INTS7: variants seen among roughly 807,000 people sequenced by gnomAD.
The protein encoded by INTS7 is integrator complex subunit 7, also known as chromosome 1 open reading frame 73.
Under a neutral mutation model 109.2 loss-of-function variants are expected in INTS7, and 46 were observed. The observed-to-expected ratio is 0.42, with a 90% CI of 0.33 to 0.54. The LOEUF (loss-of-function observed/expected upper bound fraction) is 0.54. INTS7 is among the 20% of genes least tolerant of loss of function. INTS7 has a pLI of 0.07. For missense variants in INTS7, 929 were observed against 1,132.4 expected (o/e 0.82, Z 2.58); for synonymous variants, 412 against 402.9 (o/e 1.02, Z -0.27).
intron 16 of INTS7, among the ~76,000 whole-genome samples, chr1:211,953,041 C>T (rs1445273688): frequency 6.6e-6 from 1 of 152,096 alleles, no homozygotes; most frequent in East Asian, 1.9e-4. Context: ...CAGATAAGCT[C>T]CAAACCATCC....
intron 7 of INTS7, among the ~76,000 whole-genome samples, chr1:211,995,777 G>A (rs1441682349): frequency 6.6e-6 from 1 of 152,160 alleles, no homozygotes; most frequent in African/African-American, 2.4e-5. Flanking sequence ...CATGAATGGG[G>A]TAAGTAACCT....
intron 1 of INTS7, among the ~76,000 whole-genome samples, chr1:212,025,128 T>C (rs984059754): frequency 6.6e-6 from 1 of 152,264 alleles, no homozygotes; most frequent in Admixed American, 6.5e-5. Context: ...AAATTCTTTC[T>C]GTATGGTAAT....
intron 5 of INTS7, among the ~76,000 whole-genome samples, chr1:212,007,657 A>G (rs1665988202): frequency 6.6e-6 from 1 of 152,228 alleles, no homozygotes; most frequent in Non-Finnish European, 1.5e-5. Context: ...TTCAATGATT[A>G]TAAAACTACA....
chr1:212,007,303 A>C lies in INTS7; in HGVS notation c.703T>G (p.Leu235Val). 1 of 1,614,026 alleles carries C rather than the reference A, an allele frequency of 6.2e-7. No individual in the cohort carries two copies. Among genetic ancestry groups the C allele is most frequent in the Non-Finnish European group, 8.5e-7 (1 of 1,179,944 alleles). ...GCTGCAAGCAGAGTGAAAGTGTGCA[A>C]AGACACAATCACCATTTTGGTGGAC... is the stretch of plus-strand genomic sequence containing the variant. ...YPSTKMVIVS[L>V]HTFTLLAASS... Residue 235 changes from leucine (L) to valine (V), a missense_variant, in exon 6 of 20, where the codon TTG becomes GTG. By Grantham distance (32) the Leu-to-Val change is conservative. Around this residue, in one of 2 missense-constraint regions of INTS7, gnomAD observed 787 missense variants for 901.1 expected, o/e 0.87. Transcript: ENST00000366994.
chr1:211,952,754 T>G (rs1663159560), intron 16 of INTS7, 53 bp from the exon 17 acceptor site: 1 of 1,380,660 alleles, frequency 7.2e-7, no homozygotes, highest in Non-Finnish European at 1.0e-6. Context: ...GGCTATTTAA[T>G]GCCTACATGT....
rs762057924 is a variant in INTS7, at chr1:211,969,722, A to ATT, written c.1816-1017_1816-1016dup. On this transcript the variant is annotated intron_variant, in intron 13 of 19. Coordinates refer to ENST00000366994, the MANE Select transcript of INTS7 (RefSeq NM_015434.4). Reference sequence around the variant, plus strand: ...GGGTGCGTACCACCATGCCTGGCTAATTTTTTTTTTTTTTTGAGACAGTTT... The same window carrying ATT: ...GGGTGCGTACCACCATGCCTGGCTAATTTTTTTTTTTTTTTTTGAGACAGTTT... Among the ~76,000 whole-genome samples, 637 of 141,000 alleles carry ATT rather than the reference A, an allele frequency of 4.5e-3. 6 individuals are homozygous for ATT. The highest frequency in any genetic ancestry group is 8.0e-3 in the South Asian group (35 of 4,362). 92.5% of individuals were successfully genotyped at this position (141,000 alleles called of 152,430 possible). A position where few individuals can be genotyped will look rare whatever the true frequency, so the allele number is the denominator to read the frequency against.
rs927848399 is a variant in INTS7 at position 211,960,501 on chromosome 1, T to C, written c.2183+5929A>G. On this transcript the variant is annotated intron_variant, in intron 16 of 19. Transcript: ENST00000366994. ...ACAGAAATCAGAGTATGGATGGGAA[T>C]GAAGATCATCAAGAAGGAGGAATAC... Among the ~76,000 whole-genome samples the C allele has an allele frequency of 5.9e-5, 9 of 151,894 alleles. No homozygotes were observed. The East Asian group carries it at 1.7e-3, about 29-fold the overall frequency.
chr1:211,954,028 T>C (rs1328015800), intron 16 of INTS7, among the ~76,000 whole-genome samples: 2 of 152,186 alleles, frequency 1.3e-5, no homozygotes, highest in Non-Finnish European at 2.9e-5. Context: ...AGTGTGAAAG[T>C]GTTCCTATTT....
At chr1:211,967,402 A>G (rs1331687700) in intron 15 of INTS7, among the ~76,000 whole-genome samples, 1 of 149,812 alleles carries the variant, frequency 6.7e-6, no homozygotes, top group Non-Finnish European at 1.5e-5. Flanking sequence ...CAGTGAGCCA[A>G]GATCATGCCA....
intron 13 of INTS7, among the ~76,000 whole-genome samples, chr1:211,969,663 C>T (rs1293363356): frequency 1.3e-5 from 2 of 150,840 alleles, no homozygotes; most frequent in Non-Finnish European, 3.0e-5. Context: ...TCAAATTATC[C>T]CCCCACCTGA....
chr1:211,990,038 CATT>C (rs1257755966), intron 7 of INTS7, among the ~76,000 whole-genome samples: 3 of 152,214 alleles, frequency 2.0e-5, no homozygotes, highest in African/African-American at 7.2e-5. Flanking sequence ...TAGGTGCTCT[CATT>C]GTTGTCAGAA....
At chr1:211,969,003 G>A (rs545155419) in intron 13 of INTS7, among the ~76,000 whole-genome samples, 2 of 152,162 alleles carry the variant, frequency 1.3e-5, no homozygotes, top group South Asian at 2.1e-4. Flanking sequence ...AGATAATCAC[G>A]GCCAGGTGCG....
At chr1:212,031,585 C>A (rs1667165311) in intron 1 of INTS7, among the ~76,000 whole-genome samples, 1 of 152,202 alleles carries the variant, frequency 6.6e-6, no homozygotes, top group South Asian at 2.1e-4. Flanking sequence ...CACATTTGAT[C>A]TAGCATTGTC....
intron 16 of INTS7, among the ~76,000 whole-genome samples, chr1:211,960,782 A>G (rs1293582329): frequency 6.6e-6 from 1 of 152,116 alleles, no homozygotes; most frequent in Non-Finnish European, 1.5e-5. Flanking sequence ...GGAGGCTAAG[A>G]TGGGTCGATC....
intron 1 of INTS7, among the ~76,000 whole-genome samples, chr1:212,034,780 C>G (rs184148702): frequency 7.2e-5 from 11 of 151,884 alleles, no homozygotes; most frequent in African/African-American, 2.4e-4. Context: ...TCAGTGTAAC[C>G]CCAAAGCTCC....
At chr1:212,031,648 T>C (rs1667169525) in intron 1 of INTS7, among the ~76,000 whole-genome samples, 1 of 152,246 alleles carries the variant, frequency 6.6e-6, no homozygotes, top group African/African-American at 2.4e-5. Context: ...TTTGCCAACA[T>C]AGCCCCTAGT....
rs139523951 is a variant in INTS7 at position 212,002,877 on chromosome 1, T to C, written c.879+3762A>G. ...CCCACACATACTTCTCCAAGAATAA[T>C]GACTAGTTCAAAGTGAAAAACAATC... is the stretch of plus-strand genomic sequence containing the variant. On this transcript the variant is annotated intron_variant, in intron 7 of 19. Coordinates refer to ENST00000366994, the MANE Select transcript of INTS7 (RefSeq NM_015434.4). 1.4e-3 allele frequency among the ~76,000 whole-genome samples: 217 copies of C among 152,268 alleles called. 4 individuals carry two copies. The highest frequency in any genetic ancestry group is 5.0e-3 in the African/African-American group (206 of 41,536).
intron 13 of INTS7, among the ~76,000 whole-genome samples, chr1:211,974,276 A>AATATATATATAT (rs58474002): frequency 3.6e-4 from 33 of 92,296 alleles, no homozygotes; most frequent in East Asian, 1.7e-3. Context: ...AGAAAAAAAA[A>AATATATATATAT]ATATATATAT....
chr1:212,033,060 A>C (rs1242034223), intron 1 of INTS7, among the ~76,000 whole-genome samples: 1 of 152,208 alleles, frequency 6.6e-6, no homozygotes, highest in South Asian at 2.1e-4. Context: ...TGTAAGCTCT[A>C]TAGGGGCAGG....
Sources: allele counts gnomAD v4.1 joint callset (sites outside exome capture counted in the v4.1 genomes callset), GRCh38; gene constraint gnomAD v4.1.1; regional missense constraint gnomAD v4.1.1; transcripts MANE v1.5; gene names NCBI Gene and HGNC (gene_info 2026-07-23, HGNC 2026-07-21).